Variants in TBC1D4 observed in about 807,000 individuals in gnomAD.
TBC1D4 encodes TBC1 domain family member 4.
Under a neutral mutation model 142.5 loss-of-function variants are expected in TBC1D4, and 121 were observed. The ratio of observed to expected loss-of-function variants is 0.85; its 90% CI spans 0.73 to 0.99. The LOEUF (loss-of-function observed/expected upper bound fraction) is 0.99. Among genes scored for constraint, TBC1D4 ranks in the 50% least tolerant of loss-of-function variants. The pLI, the probability that TBC1D4 is intolerant of heterozygous loss-of-function variation, is 0.00. For synonymous variants in TBC1D4, 630 were observed against 628.2 expected (o/e 1.00, Z -0.04); for missense variants, 1,475 against 1,606.6 (o/e 0.92, Z 1.40).
At position 75,394,739 on chromosome 13, in the gene TBC1D4, G is replaced by A. The variant is rs1427883814; in HGVS notation, c.499-32132C>T. On this transcript the variant is annotated intron_variant, in intron 1 of 20. Transcript: ENST00000377636. The stretch of plus-strand genomic sequence containing the variant: ...GTTCATTGTTACTTCTCAGTATAAC[G>A]TGCAAATCAAATATATCCTTGGCAA... Among the ~76,000 whole-genome samples the A allele has an allele frequency of 2.6e-5, 4 of 152,122 alleles. No individual in the cohort carries two copies. In the South Asian group the frequency reaches 6.2e-4, roughly 24 times the overall value.
intron 3 of TBC1D4, among the ~76,000 whole-genome samples, chr13:75,358,320 T>A (rs1391676321): frequency 2.0e-5 from 3 of 152,216 alleles, no homozygotes; most frequent in South Asian, 2.1e-4. Context: ...GGACAACCAG[T>A]AAATTGGTAA....
chr13:75,449,576 TA>T (rs1219208539), intron 1 of TBC1D4, among the ~76,000 whole-genome samples: 1 of 151,138 alleles, frequency 6.6e-6, no homozygotes, highest in African/African-American at 2.4e-5. Context: ...CACACAGTTT[TA>T]ACATACATAG....
intron 1 of TBC1D4, among the ~76,000 whole-genome samples, chr13:75,470,307 C>G (rs563027406): frequency 2.1e-4 from 32 of 152,208 alleles, no homozygotes; most frequent in Admixed American, 5.2e-4. Context: ...TTCAAATAAA[C>G]TGTATTTACA....
chr13:75,359,231 T>C (rs1269674986), intron 3 of TBC1D4, among the ~76,000 whole-genome samples: 1 of 152,242 alleles, frequency 6.6e-6, no homozygotes, highest in Non-Finnish European at 1.5e-5. Context: ...TATAATCTTG[T>C]ACATAATTGG....
chr13:75,398,311 A>T (rs190205319), intron 1 of TBC1D4, among the ~76,000 whole-genome samples: 23 of 152,378 alleles, frequency 1.5e-4, no homozygotes, highest in African/African-American at 5.0e-4. Context: ...GGGTGCTGGC[A>T]TAAGAAAATC....
chr13:75,406,794 G>A (rs941536861), intron 1 of TBC1D4, among the ~76,000 whole-genome samples: 2 of 152,134 alleles, frequency 1.3e-5, no homozygotes, highest in African/African-American at 4.8e-5. Context: ...ATGTGCTTTG[G>A]TTACCCACAA....
chr13:75,435,515 T>C (rs896237947), intron 1 of TBC1D4, among the ~76,000 whole-genome samples: 1 of 152,218 alleles, frequency 6.6e-6, no homozygotes, highest in Non-Finnish European at 1.5e-5. Context: ...ATTGAAATGC[T>C]AAGACAAGCA....
intron 1 of TBC1D4, among the ~76,000 whole-genome samples, chr13:75,401,480 T>C (rs1885092520): frequency 6.6e-6 from 1 of 152,160 alleles, no homozygotes; most frequent in Non-Finnish European, 1.5e-5. Context: ...TAGCTGAAAA[T>C]AACGTATAAT....
At chr13:75,425,662 C>T (rs1317328095) in intron 1 of TBC1D4, among the ~76,000 whole-genome samples, 1 of 152,124 alleles carries the variant, frequency 6.6e-6, no homozygotes, top group East Asian at 1.9e-4. Flanking sequence ...TTATTTTCAA[C>T]AGCATGGATG....
At chr13:75,330,944 A>G (rs962571018) in intron 8 of TBC1D4, among the ~76,000 whole-genome samples, 3 of 152,230 alleles carry the variant, frequency 2.0e-5, no homozygotes, top group Non-Finnish European at 4.4e-5. Flanking sequence ...TATCTCAGAC[A>G]GGTTATTTGG....
intron 1 of TBC1D4, among the ~76,000 whole-genome samples, chr13:75,429,297 T>C (rs1156488866): frequency 6.6e-6 from 1 of 152,216 alleles, no homozygotes; most frequent in Non-Finnish European, 1.5e-5. Context: ...ATTCCCCCTC[T>C]TCATAATCTC....
intron 6 of TBC1D4, 94 bp downstream of exon 6, chr13:75,341,402 G>T: frequency 7.5e-7 from 1 of 1,326,000 alleles, no homozygotes; most frequent in Non-Finnish European, 1.1e-6. Flanking sequence ...TGCATCTTTA[G>T]CTCTAGGCAG....
intron 1 of TBC1D4, among the ~76,000 whole-genome samples, chr13:75,368,645 T>G (rs1296343534): frequency 1.3e-5 from 2 of 152,218 alleles, no homozygotes; most frequent in Non-Finnish European, 2.9e-5. Context: ...GTACGACTTG[T>G]GCCTTCTTAT....
At chr13:75,446,282 G>A (rs1051585762) in intron 1 of TBC1D4, among the ~76,000 whole-genome samples, 9 of 152,184 alleles carry the variant, frequency 5.9e-5, no homozygotes, top group African/African-American at 2.2e-4. Flanking sequence ...TAAAGGAGAC[G>A]ATTCCGTAGC....
At chr13:75,340,873 G>C (rs1298572687) in intron 7 of TBC1D4, among the ~76,000 whole-genome samples, 1 of 152,196 alleles carries the variant, frequency 6.6e-6, no homozygotes, top group African/African-American at 2.4e-5. Flanking sequence ...TTGAACCCGG[G>C]AGGCGGAGGT....
chr13:75,303,595 A>G (rs1240329155), intron 15 of TBC1D4, among the ~76,000 whole-genome samples: 1 of 152,218 alleles, frequency 6.6e-6, no homozygotes, highest in Admixed American at 6.5e-5. Flanking sequence ...GTTTGGACAC[A>G]TTGAATCGGC....
intron 8 of TBC1D4, among the ~76,000 whole-genome samples, chr13:75,332,675 A>G (rs77866053): frequency 0.033 from 4,981 of 152,304 alleles, 283 homozygotes; most frequent in African/African-American, 0.11. Flanking sequence ...GGAAAAAGGC[A>G]TATTTTATGA....
intron 20 of TBC1D4, 78 bp from the exon 21 acceptor site, chr13:75,287,103 T>A: frequency 1.8e-6 from 2 of 1,101,954 alleles, no homozygotes; most frequent in South Asian, 1.3e-5. Context: ...ATTAACCAAT[T>A]ACTTCAAATT....
intron 16 of TBC1D4, among the ~76,000 whole-genome samples, chr13:75,300,337 C>T (rs1566351812): frequency 6.6e-6 from 1 of 152,024 alleles, no homozygotes; most frequent in Non-Finnish European, 1.5e-5. Flanking sequence ...GAGTTCTATA[C>T]ACAGAAACAA....
Sources: gnomAD v4.1 joint callset for allele counts (sites outside exome capture counted in the v4.1 genomes callset) on GRCh38, gnomAD v4.1.1 for gene constraint, MANE v1.5 for transcripts, NCBI Gene and HGNC (gene_info 2026-07-23, HGNC 2026-07-21) for gene names.